The following ATP10B variants were observed in gnomAD, a reference collection of about 807,000 sequenced individuals.
ATP10B encodes phospholipid-transporting ATPase VB.
A neutral mutation model predicts 141.2 loss-of-function variants in ATP10B; 122 were observed. That is an observed-to-expected ratio of 0.86 (90% CI 0.75 to 1.00). The LOEUF (loss-of-function observed/expected upper bound fraction) is 1.00. ATP10B is among the 50% of genes least tolerant of loss of function. The pLI is 0.00. For missense variants in ATP10B, 1,876 were observed against 1,825.3 expected, an observed-to-expected ratio of 1.03 and a Z score of -0.51; for synonymous variants, 685 against 692.0, an observed-to-expected ratio of 0.99 and a Z score of 0.16.
intron 24 of ATP10B, among the ~76,000 whole-genome samples, chr5:160,581,250 G>A (rs914524546): frequency 5.3e-5 from 8 of 152,014 alleles, no homozygotes; most frequent in Non-Finnish European, 1.0e-4. Context: ...TTAGGGTGTT[G>A]ATTTTAGATC....
rs561912401 is a variant in ATP10B at position 160,737,394 on chromosome 5, T to C, written c.-330-20360A>G. Among the ~76,000 whole-genome samples the C allele has an allele frequency of 2.0e-5, 3 of 152,222 alleles. No homozygotes were observed. In the South Asian group the frequency reaches 6.2e-4, roughly 32 times the overall value. The stretch of plus-strand genomic sequence containing the variant: ...CTGTTATTCAACACAGTCCTGGAAG[T>C]CCTAGCTAGAGCAATCAGACCAGAA... On this transcript the variant is annotated intron_variant, in intron 2 of 25. Coordinates refer to ENST00000327245, the MANE Select transcript of ATP10B (RefSeq NM_025153.3).
chr5:160,580,137 T>A (rs1256058303), intron 24 of ATP10B, among the ~76,000 whole-genome samples: 1 of 152,226 alleles, frequency 6.6e-6, no homozygotes, highest in Non-Finnish European at 1.5e-5. Flanking sequence ...CTTCTCCTAT[T>A]TGAATACCCT....
Position 160,620,510 on chromosome 5 carries a change from GGGCAGGCGCACAGT to G in ATP10B, c.2239_2252del (p.Thr747ProfsTer16). The G allele has an allele frequency of 6.2e-7, 1 of 1,614,180 alleles. No individual in the cohort carries two copies. Among genetic ancestry groups the G allele is most frequent in the Non-Finnish European group, 8.5e-7 (1 of 1,180,024 alleles). The stretch of plus-strand genomic sequence containing the variant: ...GGCTGAAGGTGAGGCAGGTGCCCTG[GGGCAGGCGCACAGT>G]CACCTGCTCAGGTGTCCGGGACACT... On this transcript the variant is annotated frameshift_variant, in exon 15 of 26. Coordinates refer to ENST00000327245, the MANE Select transcript of ATP10B (RefSeq NM_025153.3). LOFTEE classifies it high-confidence loss of function.
At chr5:160,602,022 G>T (rs999941660) in intron 21 of ATP10B, among the ~76,000 whole-genome samples, 3 of 152,128 alleles carry the variant, frequency 2.0e-5, no homozygotes, top group Admixed American at 1.3e-4. Flanking sequence ...GAGGAAATCT[G>T]ATACAGTTCA....
chr5:160,808,296 C>T (rs73308008), intron 1 of ATP10B, among the ~76,000 whole-genome samples: 3 of 152,048 alleles, frequency 2.0e-5, no homozygotes, highest in East Asian at 1.9e-4. Context: ...AATGAATTTG[C>T]GATTTTATTA....
At chr5:160,627,655 C>T (rs1758679206) in intron 13 of ATP10B, among the ~76,000 whole-genome samples, 1 of 152,072 alleles carries the variant, frequency 6.6e-6, no homozygotes, top group African/African-American at 2.4e-5. Flanking sequence ...GATGATGGCT[C>T]AACCATCCAA....
Position 160,673,159 on chromosome 5 carries a change from G to A in ATP10B, c.471-2492C>T, listed in dbSNP as rs753990402. On this transcript the variant is annotated intron_variant, in intron 6 of 25. Coordinates refer to ENST00000327245, the MANE Select transcript of ATP10B (RefSeq NM_025153.3). ...CTTCTGAGGATTCTGGGGGTGATGCGTCTGTAGCATTTTAGTAATAATTCC... is the reference window on the plus strand; with the variant it reads ...CTTCTGAGGATTCTGGGGGTGATGCATCTGTAGCATTTTAGTAATAATTCC... Among the ~76,000 whole-genome samples, 42 of 152,312 alleles carry A rather than the reference G, an allele frequency of 2.8e-4. 1 individual carries two copies. The highest frequency in any genetic ancestry group is 9.1e-4 in the African/African-American group (38 of 41,576).
the ATP10B span, among the ~76,000 whole-genome samples, chr5:160,891,486 C>T: frequency 2.0e-5 from 3 of 152,230 alleles, no homozygotes; most frequent in Non-Finnish European, 4.4e-5. Context: ...GACAGAGTCT[C>T]GCTCCGTCAC....
chr5:160,748,096 G>A (rs1468981255), intron 2 of ATP10B, among the ~76,000 whole-genome samples: 1 of 151,978 alleles, frequency 6.6e-6, no homozygotes, highest in Non-Finnish European at 1.5e-5. Flanking sequence ...GGGTGGCACA[G>A]TTGCCAGGCT....
intron 3 of ATP10B, among the ~76,000 whole-genome samples, chr5:160,704,836 A>G (rs560372249): frequency 1.3e-5 from 2 of 150,614 alleles, no homozygotes; most frequent in South Asian, 4.2e-4. Flanking sequence ...GCAGTCTCGC[A>G]GTTTTATATT....
chr5:160,749,147 T>A (rs1193286724), intron 2 of ATP10B, among the ~76,000 whole-genome samples: 1 of 152,182 alleles, frequency 6.6e-6, no homozygotes, highest in Non-Finnish European at 1.5e-5. Context: ...CATAAAGTAC[T>A]ATATTTGGGA....
the ATP10B span, among the ~76,000 whole-genome samples, chr5:160,877,105 C>G: frequency 1.3e-5 from 2 of 152,142 alleles, no homozygotes; most frequent in Non-Finnish European, 2.9e-5. Context: ...AGACCAATAT[C>G]CTTGATGAAC....
intron 2 of ATP10B, among the ~76,000 whole-genome samples, chr5:160,764,741 G>T (rs951696005): frequency 1.3e-5 from 2 of 152,066 alleles, no homozygotes; most frequent in East Asian, 1.9e-4. Context: ...AAGAGATAAA[G>T]GGCATCCACA....
chr5:160,596,205 G>A (rs1190292118), intron 22 of ATP10B, among the ~76,000 whole-genome samples: 1 of 152,104 alleles, frequency 6.6e-6, no homozygotes, highest in African/African-American at 2.4e-5. Context: ...TGATCAAGTT[G>A]GCCTCATCCC....
chr5:160,814,566 A>G (rs922079955), intron 1 of ATP10B, among the ~76,000 whole-genome samples: 1 of 149,596 alleles, frequency 6.7e-6, no homozygotes, highest in African/African-American at 2.4e-5. Context: ...CCTCTGCAGG[A>G]TATTATCCAG....
intron 13 of ATP10B, among the ~76,000 whole-genome samples, chr5:160,622,929 C>A (rs866266250): frequency 1.3e-5 from 2 of 151,876 alleles, no homozygotes; most frequent in Admixed American, 6.6e-5. Flanking sequence ...TTTTTCTAAT[C>A]CTTCCTATGT....
chr5:160,699,413 G>A (rs1219716946), intron 3 of ATP10B, among the ~76,000 whole-genome samples: 1 of 152,200 alleles, frequency 6.6e-6, no homozygotes, highest in Non-Finnish European at 1.5e-5. Flanking sequence ...GTTGTTCAAA[G>A]TTCATGAAGC....
intron 1 of ATP10B, among the ~76,000 whole-genome samples, chr5:160,813,903 C>A (rs1773369802): frequency 6.6e-6 from 1 of 152,214 alleles, no homozygotes; most frequent in South Asian, 2.1e-4. Flanking sequence ...CAAACTCCAA[C>A]AGACCTGTAG....
At chr5:160,634,209 G>A (rs776628403) in intron 12 of ATP10B, 145 bp downstream of exon 12, 1 of 1,092,262 alleles carries the variant, frequency 9.2e-7, no homozygotes, top group Non-Finnish European at 1.4e-6. Flanking sequence ...TGACAAGGAA[G>A]ACCACAGGGA....
Sources: allele counts gnomAD v4.1 joint callset (sites outside exome capture counted in the v4.1 genomes callset), GRCh38; gene constraint gnomAD v4.1.1; transcripts MANE v1.5; gene names NCBI Gene and HGNC (gene_info 2026-07-23, HGNC 2026-07-21).